PEX2: variants seen among roughly 807,000 people sequenced by gnomAD.
The protein encoded by PEX2 is peroxisome biogenesis factor 2.
Under a neutral mutation model 25.2 loss-of-function variants are expected in PEX2, and 19 were observed. The observed-to-expected ratio is 0.75, with a 90% CI of 0.53 to 1.10. The LOEUF (loss-of-function observed/expected upper bound fraction) is 1.10. Ranked by LOEUF, PEX2 falls within the 50% of genes least tolerant of loss-of-function variation. The probability of loss-of-function intolerance (pLI) is 0.00; values close to 1 mark genes in which losing one functional copy is unlikely to be tolerated. For missense variants in PEX2, 347 were observed against 350.6 expected, an observed-to-expected ratio of 0.99 and a Z score of 0.08; for synonymous variants, 141 against 127.7, an observed-to-expected ratio of 1.10 and a Z score of -0.70.
At chr8:76,993,014 T>C (rs1453216636) in intron 1 of PEX2, among the ~76,000 whole-genome samples, 2 of 152,162 alleles carry the variant, frequency 1.3e-5, no homozygotes, top group South Asian at 2.1e-4. Flanking sequence ...AGCTGGGACA[T>C]ACGGACATGA....
At chr8:77,000,250 A>G (rs530399334), upstream of PEX2, 1 of 304,768 alleles carries the variant, frequency 3.3e-6, no homozygotes, top group Non-Finnish European at 6.4e-6. Flanking sequence ...AAGGGCCGAA[A>G]AGCCGAAGCG....
At chr8:76,985,809 T>C (rs1240662066) in intron 3 of PEX2, among the ~76,000 whole-genome samples, 2 of 152,200 alleles carry the variant, frequency 1.3e-5, no homozygotes, top group Non-Finnish European at 2.9e-5. Context: ...GACCCTGACC[T>C]ATGCCTTGGT....
At chr8:76,996,837 T>C (rs116858320) in intron 1 of PEX2, among the ~76,000 whole-genome samples, 3 of 152,350 alleles carry the variant, frequency 2.0e-5, no homozygotes, top group Non-Finnish European at 4.4e-5. Flanking sequence ...AAGTACAGTA[T>C]TATCATCTCC....
At position 76,984,141 on chromosome 8, in the gene PEX2, CTGTT is replaced by C. The variant is rs1174648906; in HGVS notation, c.34_37del (p.Asn12GlufsTer3). 2 of 1,614,144 alleles carry C rather than the reference CTGTT, an allele frequency of 1.2e-6. No homozygotes were observed. Among genetic ancestry groups the C allele is most frequent in the Non-Finnish European group, 1.7e-6 (2 of 1,180,006 alleles). ...ATCCAACTGGCTTATTCTTAGCACTCTGTTTGCACTCTTCGCATTCTCTTTTCTG... is the reference window on the plus strand; with the variant it reads ...ATCCAACTGGCTTATTCTTAGCACTCTGCACTCTTCGCATTCTCTTTTCTG... On this transcript the variant is annotated frameshift_variant, in exon 4 of 4. Coordinates refer to ENST00000357039, the MANE Select transcript of PEX2 (RefSeq NM_000318.3). LOFTEE classifies it high-confidence loss of function.
At chr8:76,991,908 G>A (rs1007136679) in intron 1 of PEX2, among the ~76,000 whole-genome samples, 15 of 152,174 alleles carry the variant, frequency 9.9e-5, no homozygotes, top group Non-Finnish European at 2.1e-4. Context: ...GGCTAGGGAT[G>A]AGCATGAAAA....
intron 1 of PEX2, among the ~76,000 whole-genome samples, chr8:76,995,094 G>A (rs1807282980): frequency 1.3e-5 from 2 of 152,212 alleles, no homozygotes; most frequent in Admixed American, 6.5e-5. Context: ...CTCTGGCACT[G>A]TGAACAGGCC....
At chr8:76,987,718 A>G (rs963994722) in intron 2 of PEX2, among the ~76,000 whole-genome samples, 1 of 152,148 alleles carries the variant, frequency 6.6e-6, no homozygotes, top group Non-Finnish European at 1.5e-5. Flanking sequence ...ACAGAGAGAA[A>G]AGGGTTATCT....
intron 3 of PEX2, among the ~76,000 whole-genome samples, 177 bp from the exon 4 acceptor site, chr8:76,984,372 T>C: frequency 6.6e-6 from 1 of 152,198 alleles, no homozygotes; most frequent in Non-Finnish European, 1.5e-5. Flanking sequence ...TTCTGTCTCG[T>C]CTCTCAGAGC....
intron 1 of PEX2, chr8:76,999,715 G>A: frequency 2.6e-6 from 1 of 388,906 alleles, no homozygotes; most frequent in South Asian, 1.9e-5. Context: ...CGTCTCTTAA[G>A]TTACTACGTG....
chr8:77,000,714 C>T (rs546331868), upstream of PEX2, among the ~76,000 whole-genome samples: 1 of 152,302 alleles, frequency 6.6e-6, no homozygotes, highest in South Asian at 2.1e-4. Flanking sequence ...CAAAGCGCTC[C>T]CGAGAGACCC....
intron 1 of PEX2, among the ~76,000 whole-genome samples, chr8:76,999,145 G>A (rs558330039): frequency 3.3e-4 from 50 of 152,226 alleles, no homozygotes; most frequent in South Asian, 8.3e-4. Flanking sequence ...ATTAAGTAAA[G>A]GTAACACTTT....
intron 2 of PEX2, among the ~76,000 whole-genome samples, chr8:76,987,737 G>A (rs1342524619): frequency 2.6e-5 from 4 of 152,100 alleles, no homozygotes; most frequent in Admixed American, 6.5e-5. Context: ...CTTTGACAGC[G>A]GTGAGGTGGT....
intron 1 of PEX2, among the ~76,000 whole-genome samples, chr8:76,989,007 T>TAAAA (rs56178165): frequency 2.7e-4 from 35 of 129,844 alleles, no homozygotes; most frequent in East Asian, 6.8e-4. Context: ...CTACAAAAAC[T>TAAAA]AAAAAAAAAA....
chr8:76,992,729 T>C lies in PEX2; in HGVS notation c.-159-4391A>G, dbSNP rs552746377. ...ATGGTTACTCAATGTAACAAATATA[T>C]ACTGGACACCTATCAAATACAAGGC... On this transcript the variant is annotated intron_variant, in intron 1 of 3. Coordinates refer to ENST00000357039, the MANE Select transcript of PEX2 (RefSeq NM_000318.3). 3.3e-5 allele frequency among the ~76,000 whole-genome samples: 5 copies of C among 152,314 alleles called. No homozygotes were observed. The South Asian group carries it at 6.2e-4, about 19-fold the overall frequency.
chr8:76,984,056 A>T lies in PEX2; in HGVS notation c.123T>A (p.Phe41Leu), dbSNP rs2132044807. 6.2e-7 allele frequency: 1 copy of T among 1,612,920 alleles called. No homozygotes were observed. ...QLVWSQFTQC[F>L]HGFKPGLLAR... ...CTAACAGCCCAGGTTTAAATCCATG[A>T]AAGCACTGAGTAAACTGGGACCAAA... The change falls in exon 4 of 4, where the codon TTT becomes TTA. Residue 41 changes from phenylalanine to leucine, a missense_variant. Physicochemically the swap from Phe to Leu is conservative, Grantham distance 22. Coordinates refer to ENST00000357039, the MANE Select transcript of PEX2 (RefSeq NM_000318.3).
At chr8:76,998,051 T>C (rs1007168230) in intron 1 of PEX2, among the ~76,000 whole-genome samples, 17 of 152,222 alleles carry the variant, frequency 1.1e-4, no homozygotes, top group African/African-American at 1.7e-4. Context: ...TGCTTCTAGG[T>C]TGTCCAACTC....
chr8:76,996,195 A>C (rs1272364513), intron 1 of PEX2, among the ~76,000 whole-genome samples: 1 of 152,246 alleles, frequency 6.6e-6, no homozygotes, highest in African/African-American at 2.4e-5. Context: ...CCAGTTACTG[A>C]GTGCTAACAA....
rs184269619 is a variant in PEX2 at position 76,982,305 on chromosome 8, A to G, written c.*956T>C. 2 of 152,294 alleles carry G rather than the reference A, an allele frequency of 1.3e-5. No homozygotes were observed. Among genetic ancestry groups the G allele is most frequent in the East Asian group, 1.9e-4 (1 of 5,180 alleles). The allele number at this position is 152,294 out of a possible 1,614,324, so 9.4% of individuals were successfully genotyped here. On this transcript the variant is annotated 3_prime_UTR_variant, in exon 4 of 4. Transcript: ENST00000357039. ...CCCTTTTGTTTCAATAAAACTATCA[A>G]TATTTACTGAGAATGACAGCTCTGA...
chr8:76,986,633 C>T (rs1478424356), intron 2 of PEX2: 1 of 152,224 alleles, frequency 6.6e-6, no homozygotes, highest in Non-Finnish European at 1.5e-5. Flanking sequence ...CACCAGTAGA[C>T]TTCACTGTCT....
Sources: gnomAD v4.1 joint callset for allele counts (sites outside exome capture counted in the v4.1 genomes callset) on GRCh38, gnomAD v4.1.1 for gene constraint, MANE v1.5 for transcripts, NCBI Gene and HGNC (gene_info 2026-07-23, HGNC 2026-07-21) for gene names.